The following KHDRBS2 variants were observed in gnomAD, a reference collection of about 807,000 sequenced individuals.
The protein encoded by KHDRBS2 is KH RNA binding domain containing, signal transduction associated 2.
In KHDRBS2, 26 loss-of-function variants were observed where a neutral mutation model predicts 44.3. The ratio of observed to expected loss-of-function variants is 0.59; its 90% CI spans 0.43 to 0.81. The LOEUF is 0.81. Ranked by LOEUF, KHDRBS2 falls within the 40% of genes least tolerant of loss-of-function variation. KHDRBS2 has a pLI of 0.00. For missense variants in KHDRBS2, 476 were observed against 433.1 expected, an observed-to-expected ratio of 1.10 and a Z score of -0.88; for synonymous variants, 194 against 151.1, an observed-to-expected ratio of 1.28 and a Z score of -2.08.
intron 4 of KHDRBS2, among the ~76,000 whole-genome samples, chr6:61,953,389 C>T (rs1765181131): frequency 6.6e-6 from 1 of 151,990 alleles, no homozygotes; most frequent in Admixed American, 6.6e-5. Context: ...ATTGGAATGG[C>T]CAGCATTTTT....
chr6:61,608,043 A>G, the KHDRBS2 span, among the ~76,000 whole-genome samples: 145 of 152,270 alleles, frequency 9.5e-4, 1 homozygote, highest in African/African-American at 3.2e-3. Flanking sequence ...TTTAAACTCA[A>G]TGCAATTCCT....
intron 6 of KHDRBS2, among the ~76,000 whole-genome samples, chr6:61,835,700 T>C (rs1164328490): frequency 7.3e-6 from 1 of 137,268 alleles, no homozygotes; most frequent in Non-Finnish European, 1.6e-5. Context: ...GCAGCTAATG[T>C]TGATGTGTGC....
At chr6:61,572,086 AAAG>A in the KHDRBS2 span, among the ~76,000 whole-genome samples, 1 of 152,132 alleles carries the variant, frequency 6.6e-6, no homozygotes, top group Non-Finnish European at 1.5e-5. Flanking sequence ...TTAACCAAAC[AAAG>A]AAGAGAGAAG....
chr6:61,943,446 A>G (rs2127377731), intron 4 of KHDRBS2, among the ~76,000 whole-genome samples: 1 of 152,232 alleles, frequency 6.6e-6, no homozygotes, highest in East Asian at 1.9e-4. Context: ...CCAGAAAACA[A>G]CGAGCAATAT....
At chr6:62,198,072 G>A (rs1467385571) in intron 1 of KHDRBS2, among the ~76,000 whole-genome samples, 2 of 151,844 alleles carry the variant, frequency 1.3e-5, no homozygotes, top group African/African-American at 2.4e-5. Flanking sequence ...AGAATCTCGG[G>A]GACACATTTA....
At chr6:61,897,033 C>T (rs535833172) in intron 5 of KHDRBS2, among the ~76,000 whole-genome samples, 113 of 152,284 alleles carry the variant, frequency 7.4e-4, no homozygotes, top group African/African-American at 2.5e-3. Flanking sequence ...TTTCTATCCT[C>T]GATCTCATGG....
At chr6:61,773,193 C>A (rs914948774) in intron 6 of KHDRBS2, among the ~76,000 whole-genome samples, 5 of 152,052 alleles carry the variant, frequency 3.3e-5, no homozygotes, top group African/African-American at 1.2e-4. Flanking sequence ...ATTTCTAGTT[C>A]TAGATCCCTG....
chr6:61,702,255 T>C (rs1486515706), intron 7 of KHDRBS2, among the ~76,000 whole-genome samples: 2 of 151,910 alleles, frequency 1.3e-5, no homozygotes, highest in Admixed American at 1.3e-4. Flanking sequence ...TTACGACTTG[T>C]TTATCCTCTA....
At chr6:62,249,788 A>T (rs1836226638) in intron 1 of KHDRBS2, among the ~76,000 whole-genome samples, 1 of 152,060 alleles carries the variant, frequency 6.6e-6, no homozygotes, top group African/African-American at 2.4e-5. Flanking sequence ...TTTCATATTT[A>T]GGAAAAGAAC....
At chr6:61,571,524 T>TAAAG in the KHDRBS2 span, among the ~76,000 whole-genome samples, 89,430 of 151,422 alleles carry the variant, frequency 0.59, 26,589 homozygotes, top group Non-Finnish European at 0.61. Flanking sequence ...AGAAAGTCAA[T>TAAAG]AAACAATGGA....
At position 61,720,833 on chromosome 6, in the gene KHDRBS2, T is replaced by G. The variant is rs566348680; in HGVS notation, c.893+11849A>C. 6.3e-3 allele frequency among the ~76,000 whole-genome samples: 950 copies of G among 151,542 alleles called. 6 individuals carry two copies. Among genetic ancestry groups the G allele is most frequent in the Non-Finnish European group, 9.1e-3 (617 of 67,840 alleles). ...TTTTGTTGCCATTGCTTTTGGTGTT[T>G]TAGACATGAAGTCCTTGCCCATGCC... On this transcript the variant is annotated intron_variant, in intron 7 of 8. Coordinates refer to ENST00000281156, the MANE Select transcript of KHDRBS2 (RefSeq NM_152688.4).
chr6:61,958,312 G>C (rs1232018206), intron 4 of KHDRBS2, among the ~76,000 whole-genome samples: 2 of 152,070 alleles, frequency 1.3e-5, no homozygotes, highest in African/African-American at 4.8e-5. Context: ...TCAGGGTCAA[G>C]AAGAAGAGGA....
chr6:61,633,146 A>C, the KHDRBS2 span, among the ~76,000 whole-genome samples: 1 of 152,196 alleles, frequency 6.6e-6, no homozygotes, highest in South Asian at 2.1e-4. Flanking sequence ...TTCTTCCAAA[A>C]GCAGATAAAT....
chr6:61,861,314 C>T (rs1218114801), intron 6 of KHDRBS2, among the ~76,000 whole-genome samples: 3 of 152,038 alleles, frequency 2.0e-5, no homozygotes, highest in Non-Finnish European at 4.4e-5. Context: ...AATGGTAATG[C>T]CTGGGTTTTC....
chr6:61,696,287 C>T (rs556983306), intron 8 of KHDRBS2, among the ~76,000 whole-genome samples: 54 of 123,430 alleles, frequency 4.4e-4, no homozygotes, highest in African/African-American at 1.3e-3. Flanking sequence ...GACTGAGTCT[C>T]GCTCTGTTGC....
chr6:61,859,252 C>T (rs1278861425), intron 6 of KHDRBS2, among the ~76,000 whole-genome samples: 33 of 151,766 alleles, frequency 2.2e-4, no homozygotes, highest in Admixed American at 2.2e-3. Context: ...TCTACTTACC[C>T]ATGCTGCCAA....
At chr6:61,769,628 G>GC (rs1016795604) in intron 6 of KHDRBS2, among the ~76,000 whole-genome samples, 2 of 152,106 alleles carry the variant, frequency 1.3e-5, no homozygotes, top group Non-Finnish European at 1.5e-5. Flanking sequence ...AGCGAGGCTG[G>GC]GGGGGCGGCG....
chr6:62,185,587 AT>A (rs1246197972), intron 1 of KHDRBS2, among the ~76,000 whole-genome samples: 1 of 152,024 alleles, frequency 6.6e-6, no homozygotes, highest in East Asian at 1.9e-4. Context: ...ACAAGTAATT[AT>A]TTTTGATTAT....
At chr6:62,118,126 C>T (rs770199037) in intron 2 of KHDRBS2, among the ~76,000 whole-genome samples, 6 of 152,176 alleles carry the variant, frequency 3.9e-5, no homozygotes, top group Non-Finnish European at 8.8e-5. Context: ...TTTCTTTCTT[C>T]TGCATACAAT....
Sources: allele counts gnomAD v4.1 joint callset (sites outside exome capture counted in the v4.1 genomes callset), GRCh38; gene constraint gnomAD v4.1.1; transcripts MANE v1.5; gene names NCBI Gene and HGNC (gene_info 2026-07-23, HGNC 2026-07-21).